LIMK1: variants seen among roughly 807,000 people sequenced by gnomAD.
LIMK1 encodes the protein LIM motif-containing protein kinase.
In LIMK1, 21 loss-of-function variants were observed where a neutral mutation model predicts 77.6. The ratio of observed to expected loss-of-function variants is 0.27; its 90% CI spans 0.19 to 0.39. LIMK1 has a LOEUF of 0.39. Ranked by LOEUF, LIMK1 falls within the 10% of genes least tolerant of loss-of-function variation. The probability of loss-of-function intolerance (pLI) is 1.00; values close to 1 mark genes in which losing one functional copy is unlikely to be tolerated. For synonymous variants in LIMK1, 358 were observed against 370.0 expected (o/e 0.97, Z 0.37); for missense variants, 696 against 901.6 (o/e 0.77, Z 2.92).
chr7:74,111,492 A>C, intron 10 of LIMK1, 156 bp from the exon 11 acceptor site: 1 of 656,180 alleles, frequency 1.5e-6, no homozygotes, highest in Non-Finnish European at 2.8e-6. Context: ...CATACTCCTT[A>C]GAAGCAGACA....
At position 74,101,106 on chromosome 7, in the gene LIMK1, A is replaced by G. The variant is rs988330164; in HGVS notation, c.608+1868A>G. 1.2e-4 allele frequency among the ~76,000 whole-genome samples: 18 copies of G among 152,360 alleles called. No homozygotes were observed. In the East Asian group the frequency reaches 3.5e-3, roughly 29 times the overall value. On this transcript the variant is annotated intron_variant, in intron 5 of 15. Transcript: ENST00000336180. ...ACACCTGGCAGGTGCCTGGCACTGC[A>G]TAGGCACTGTTGAGATGTGAAGGTG...
intron 12 of LIMK1, among the ~76,000 whole-genome samples, chr7:74,114,641 C>A (rs1799770855): frequency 6.6e-6 from 1 of 151,188 alleles, no homozygotes; most frequent in Admixed American, 6.6e-5. Flanking sequence ...TTAGGCCAGG[C>A]ACGGTGGCTC....
chr7:74,086,854 C>CA (rs1483481344), intron 2 of LIMK1, among the ~76,000 whole-genome samples: 4 of 152,158 alleles, frequency 2.6e-5, no homozygotes, highest in African/African-American at 9.7e-5. Context: ...TAAGGGAAAC[C>CA]AGGCCACCCT....
In LIMK1 at chr7:74,107,199, G is replaced by T; in HGVS notation, c.1065+6G>T. On this transcript the variant is annotated splice_donor_region_variant and intron_variant, in intron 8 of 15. Transcript: ENST00000336180. ...GCTTCGGCCAGGCTATCAAGGTACAGAGCATGCCAGGGTCTCAGGGGACAG... is the reference window on the plus strand; with the variant it reads ...GCTTCGGCCAGGCTATCAAGGTACATAGCATGCCAGGGTCTCAGGGGACAG... 1 of 1,601,430 alleles carries T rather than the reference G, an allele frequency of 6.2e-7. No homozygotes were observed.
In LIMK1 at chr7:74,097,830, TC is replaced by T. The variant is rs781852699; in HGVS notation, c.401+645del. Among the ~76,000 whole-genome samples, 11 of 152,066 alleles carry T rather than the reference TC, an allele frequency of 7.2e-5. No individual in the cohort carries two copies. In the East Asian group the frequency reaches 2.1e-3, roughly 29 times the overall value. On this transcript the variant is annotated intron_variant, in intron 4 of 15. Transcript: ENST00000336180. The stretch of plus-strand genomic sequence containing the variant: ...TAGACACCAGCCACAAGTTCAGGGG[TC>T]CCCAACCCACTCACACTTCTGACCG...
intron 10 of LIMK1, chr7:74,110,686 A>C (rs1393110761): frequency 1.3e-5 from 2 of 151,764 alleles, no homozygotes; most frequent in Non-Finnish European, 2.9e-5. Flanking sequence ...GCCCACCACC[A>C]CACCCGGCTA....
intron 2 of LIMK1, among the ~76,000 whole-genome samples, chr7:74,092,312 C>T (rs1799253678): frequency 6.6e-6 from 1 of 152,130 alleles, no homozygotes. Context: ...GAGAGCTGCT[C>T]CTGTCCCCTG....
In LIMK1 at chr7:74,121,058, G is replaced by C; in HGVS notation, c.1781+9G>C. 1 of 1,594,688 alleles carries C rather than the reference G, an allele frequency of 6.3e-7. No individual in the cohort carries two copies. The highest frequency in any genetic ancestry group is 8.6e-7 in the Non-Finnish European group (1 of 1,168,578). On this transcript the variant is annotated intron_variant, in intron 15 of 15. Transcript: ENST00000336180. The stretch of plus-strand genomic sequence containing the variant: ...CTGGACCCCGAGAAGAGGTGAGTGG[G>C]GTGGGGCCCTGGCCTGGGAGACGGT...
rs142054083 is a variant in LIMK1 at position 74,121,021 on chromosome 7, C to T, written c.1753C>T (p.Arg585Cys). The T allele has an allele frequency of 6.2e-6, 10 of 1,601,722 alleles. No individual in the cohort carries two copies. Among genetic ancestry groups the T allele is most frequent in the Admixed American group, 3.4e-5 (2 of 59,224 alleles). Reference sequence around the variant, plus strand: ...CCCGAGCTTCTTCCCCATCACCGTGCGCTGTTGCGATCTGGACCCCGAGAA... The same window carrying T: ...CCCGAGCTTCTTCCCCATCACCGTGTGCTGTTGCGATCTGGACCCCGAGAA... ...CPPSFFPITV[R>C]CCDLDPEKRP... Residue 585 changes from arginine (R) to cysteine (C), a missense_variant, in exon 15 of 16, where the codon CGC becomes TGC. This residue lies in a region of LIMK1 where 438 missense variants were observed against 602.3 expected (regional missense o/e 0.73). Coordinates refer to ENST00000336180, the MANE Select transcript of LIMK1 (RefSeq NM_002314.4).
At chr7:74,092,224 C>G (rs1326247893) in intron 2 of LIMK1, among the ~76,000 whole-genome samples, 1 of 152,102 alleles carries the variant, frequency 6.6e-6, no homozygotes, top group African/African-American at 2.4e-5. Context: ...CCTCAGCCTC[C>G]CAAAGTGCTG....
At chr7:74,112,696 G>T (rs540359974) in intron 12 of LIMK1, among the ~76,000 whole-genome samples, 246 of 152,146 alleles carry the variant, frequency 1.6e-3, no homozygotes, top group African/African-American at 5.6e-3. Flanking sequence ...GTGGTGGCAG[G>T]TGCCTGTAGT....
At chr7:74,117,978 C>T (rs1435594556) in intron 13 of LIMK1, among the ~76,000 whole-genome samples, 3 of 151,374 alleles carry the variant, frequency 2.0e-5, no homozygotes, top group Admixed American at 6.6e-5. Context: ...TGTGGTGGCA[C>T]AGCTACTAGG....
At chr7:74,109,067 C>T in intron 10 of LIMK1, 31 bp downstream of exon 10, 2 of 1,561,100 alleles carry the variant, frequency 1.3e-6, no homozygotes, top group Non-Finnish European at 1.8e-6. Flanking sequence ...GCCACCCCCG[C>T]TGTGCGGCCC....
intron 12 of LIMK1, 141 bp from the exon 13 acceptor site, chr7:74,115,661 G>A (rs965271745): frequency 2.3e-5 from 21 of 899,508 alleles, no homozygotes; most frequent in Non-Finnish European, 3.3e-5. Context: ...GAAGGAAGGG[G>A]TCCCCACCCT....
In LIMK1 at chr7:74,111,961, A is replaced by G. The variant is rs1799708739; in HGVS notation, c.1373A>G (p.His458Arg). ...TACCTCCACTCCATGAACATCATCC[A>G]CCGAGACCTCAACTCCCACAACTGC... Reference protein sequence around the residue: ...MAYLHSMNIIHRDLNSHNCLV... With the variant: ...MAYLHSMNIIRRDLNSHNCLV... The change falls in exon 12 of 16, where the codon CAC (histidine) becomes CGC (arginine). Residue 458 changes from histidine to arginine, a missense_variant. By Grantham distance (29) the His-to-Arg change is conservative (BLOSUM62 0). This residue lies in a region of LIMK1 where 438 missense variants were observed against 602.3 expected (regional missense o/e 0.73). Transcript: ENST00000336180. 3 of 1,612,480 alleles carry G rather than the reference A, an allele frequency of 1.9e-6. No individual in the cohort carries two copies. Among genetic ancestry groups the G allele is most frequent in the Non-Finnish European group, 1.7e-6 (2 of 1,179,678 alleles).
At chr7:74,099,001 T>A (rs782157606) in intron 4 of LIMK1, 31 bp from the exon 5 acceptor site, 8 of 1,575,660 alleles carry the variant, frequency 5.1e-6, no homozygotes, top group African/African-American at 1.3e-5. Flanking sequence ...CCCTTGACAC[T>A]CTTTTCTTCC....
chr7:74,111,563 C>A, intron 10 of LIMK1, 85 bp from the exon 11 acceptor site: 1 of 1,156,700 alleles, frequency 8.6e-7, no homozygotes, highest in Non-Finnish European at 1.3e-6. Context: ...AGGACGCTTG[C>A]CTCTTCCTGC....
At chr7:74,112,503 G>A (rs1299533212) in intron 12 of LIMK1, among the ~76,000 whole-genome samples, 1 of 151,572 alleles carries the variant, frequency 6.6e-6, no homozygotes, top group Non-Finnish European at 1.5e-5. Context: ...GGCGGATCAC[G>A]AGGTCAGGAG....
intron 5 of LIMK1, among the ~76,000 whole-genome samples, chr7:74,101,508 A>G (rs1563917186): frequency 6.6e-6 from 1 of 152,154 alleles, no homozygotes; most frequent in Non-Finnish European, 1.5e-5. Flanking sequence ...CCCTATCTCT[A>G]AAATAAAAAT....
Sources: gnomAD v4.1 joint callset for allele counts (sites outside exome capture counted in the v4.1 genomes callset) on GRCh38, gnomAD v4.1.1 for gene constraint, gnomAD v4.1.1 regional missense constraint, MANE v1.5 for transcripts, NCBI Gene and HGNC (gene_info 2026-07-23, HGNC 2026-07-21) for gene names.